Variants in MAP3K21 observed in about 807,000 individuals in gnomAD.
The protein encoded by MAP3K21 is mitogen-activated protein kinase kinase kinase MLK4.
A neutral mutation model predicts 86.1 loss-of-function variants in MAP3K21; 63 were observed. The observed-to-expected ratio is 0.73, with a 90% CI of 0.60 to 0.90. The LOEUF (loss-of-function observed/expected upper bound fraction) is 0.90, where lower values mean the gene tolerates loss of function less well. Ranked by LOEUF, MAP3K21 falls within the 40% of genes least tolerant of loss-of-function variation. The probability of loss-of-function intolerance (pLI) is 0.00; values close to 1 mark genes in which losing one functional copy is unlikely to be tolerated. For synonymous variants in MAP3K21, 558 were observed against 564.8 expected, an observed-to-expected ratio of 0.99 and a Z score of 0.17; for missense variants, 1,220 against 1,367.7, an observed-to-expected ratio of 0.89 and a Z score of 1.70.
intron 2 of MAP3K21, among the ~76,000 whole-genome samples, chr1:233,350,134 C>T (rs1002937334): frequency 3.3e-5 from 5 of 152,072 alleles, no homozygotes; most frequent in Admixed American, 2.0e-4. Context: ...CACATCCTCC[C>T]GTGTACTTTA....
At chr1:233,372,012 C>G (rs765040681) in intron 5 of MAP3K21, 26 bp from the exon 6 acceptor site, 1 of 1,602,524 alleles carries the variant, frequency 6.2e-7, no homozygotes, top group Non-Finnish European at 8.5e-7. Context: ...CATGAAATAC[C>G]AGTTCTCCCT....
chr1:233,381,612 A>G (rs1201551698), intron 9 of MAP3K21, among the ~76,000 whole-genome samples: 1 of 152,060 alleles, frequency 6.6e-6, no homozygotes. Flanking sequence ...TTGCCTTTAG[A>G]TAAATTGGTT....
At chr1:233,362,336 C>G (rs1451056882) in intron 5 of MAP3K21, 43 bp downstream of exon 5, 19 of 1,600,738 alleles carry the variant, frequency 1.2e-5, no homozygotes, top group Non-Finnish European at 1.6e-5. Flanking sequence ...TTTGTGTGTC[C>G]TCCTTTTAAT....
Position 233,384,124 on chromosome 1 carries a change from T to C in MAP3K21, c.*1413T>C, listed in dbSNP as rs954247799. On this transcript the variant is annotated 3_prime_UTR_variant, in exon 10 of 10. Coordinates refer to ENST00000366624, the MANE Select transcript of MAP3K21 (RefSeq NM_032435.3). The stretch of plus-strand genomic sequence containing the variant: ...ACAATGAAAAACTAAATTAAAAACA[T>C]TGCTTGATATTTCATTTAAAATTGC... The C allele has an allele frequency of 2.0e-5, 3 of 152,218 alleles. No individual in the cohort carries two copies. Among genetic ancestry groups the C allele is most frequent in the South Asian group, 2.1e-4 (1 of 4,834 alleles). 9.4% of individuals were successfully genotyped at this position (152,218 alleles called of 1,614,324 possible).
rs147416566 is a variant in MAP3K21, at chr1:233,372,057, C to T, written c.1572C>T (p.Thr524=). 5 of 1,612,962 alleles carry T rather than the reference C, an allele frequency of 3.1e-6. No homozygotes were observed. The highest frequency in any genetic ancestry group is 1.1e-5 in the South Asian group (1 of 90,766). ...SLPSDFQHKI[T]VQASPNLDKR... ...CAACAGATTTCCAGCACAAGATAAC[C>T]GTGCAGGCCTCTCCCAACTTGGACA... The change falls in exon 6 of 10, where the codon ACC becomes ACT. Residue 524 remains threonine, a synonymous_variant. Coordinates refer to ENST00000366624, the MANE Select transcript of MAP3K21 (RefSeq NM_032435.3).
chr1:233,342,398 A>G (rs1663052557), intron 1 of MAP3K21, among the ~76,000 whole-genome samples: 1 of 152,264 alleles, frequency 6.6e-6, no homozygotes, highest in Non-Finnish European at 1.5e-5. Flanking sequence ...AACTCTGCAT[A>G]GCAGAGGGTT....
chr1:233,363,058 C>A (rs1432070467), intron 5 of MAP3K21, among the ~76,000 whole-genome samples: 1 of 151,992 alleles, frequency 6.6e-6, no homozygotes, highest in African/African-American at 2.4e-5. Context: ...AAAACAAATA[C>A]CTCCATGGTA....
intron 3 of MAP3K21, 150 bp from the exon 4 acceptor site, chr1:233,354,686 C>A (rs1388947293): frequency 3.0e-6 from 2 of 661,394 alleles, no homozygotes; most frequent in Non-Finnish European, 5.3e-6. Flanking sequence ...CCAATGGATT[C>A]TTAAAATCTT....
intron 3 of MAP3K21, 46 bp from the exon 4 acceptor site, chr1:233,354,790 A>AATGTCTTGGGATAATCTG: frequency 6.8e-7 from 1 of 1,472,032 alleles, no homozygotes; most frequent in Non-Finnish European, 9.4e-7. Flanking sequence ...TAGCAACTCT[A>AATGTCTTGGGATAATCTG]AACTGCGTTG....
At chr1:233,335,495 C>G (rs1213595270) in intron 1 of MAP3K21, among the ~76,000 whole-genome samples, 1 of 151,820 alleles carries the variant, frequency 6.6e-6, no homozygotes, top group Non-Finnish European at 1.5e-5. Flanking sequence ...TCACTACAAC[C>G]TTTTGAGGTG....
intron 5 of MAP3K21, among the ~76,000 whole-genome samples, chr1:233,367,488 T>C (rs1663600173): frequency 6.6e-6 from 1 of 152,218 alleles, no homozygotes; most frequent in Non-Finnish European, 1.5e-5. Flanking sequence ...ATTTTAACAA[T>C]TCAGCTTTAG....
chr1:233,337,723 T>TATC (rs1662944623), intron 1 of MAP3K21, among the ~76,000 whole-genome samples: 1 of 152,204 alleles, frequency 6.6e-6, no homozygotes, highest in Non-Finnish European at 1.5e-5. Flanking sequence ...GGCCTGCTGG[T>TATC]GACTTGGGTT....
chr1:233,344,275 C>A (rs188197006), intron 1 of MAP3K21, among the ~76,000 whole-genome samples: 7 of 152,290 alleles, frequency 4.6e-5, no homozygotes, highest in Admixed American at 4.6e-4. Context: ...ATTGCCAAGA[C>A]AATCCTAAGC....
chr1:233,372,822 G>A (rs1663712602), intron 6 of MAP3K21: 1 of 152,138 alleles, frequency 6.6e-6, no homozygotes, highest in African/African-American at 2.4e-5. Flanking sequence ...CTAAGCGAAA[G>A]AAGAATGTGA....
intron 1 of MAP3K21, among the ~76,000 whole-genome samples, chr1:233,340,130 G>A (rs1177609216): frequency 3.9e-5 from 6 of 152,200 alleles, no homozygotes; most frequent in African/African-American, 7.2e-5. Flanking sequence ...AAGTGTATTA[G>A]AATGCAGAGA....
chr1:233,383,960 G>C lies in MAP3K21; in HGVS notation c.*1249G>C, dbSNP rs1192568422. 3.9e-5 allele frequency: 6 copies of C among 152,198 alleles called. No individual in the cohort carries two copies. In the East Asian group the frequency reaches 1.2e-3, roughly 29 times the overall value. 9.4% of individuals were successfully genotyped at this position (152,198 alleles called of 1,614,324 possible). The stretch of plus-strand genomic sequence containing the variant: ...GTCATACATATATGATACAAATCCA[G>C]AGTTATTGGTGCAGAAATGGCTACC... On this transcript the variant is annotated 3_prime_UTR_variant, in exon 10 of 10. Coordinates refer to ENST00000366624, the MANE Select transcript of MAP3K21 (RefSeq NM_032435.3).
At chr1:233,338,210 C>G (rs1049266939) in intron 1 of MAP3K21, among the ~76,000 whole-genome samples, 1 of 152,196 alleles carries the variant, frequency 6.6e-6, no homozygotes, top group Non-Finnish European at 1.5e-5. Context: ...AGTATATGAG[C>G]AATGTGAAGT....
At position 233,360,795 on chromosome 1, in the gene MAP3K21, T is replaced by C. The variant is rs60412552; in HGVS notation, c.1312-1258T>C. Among the ~76,000 whole-genome samples the C allele has an allele frequency of 5.9e-3, 894 of 152,340 alleles. 10 individuals carry two copies. Among genetic ancestry groups the C allele is most frequent in the African/African-American group, 0.021 (865 of 41,570 alleles). On this transcript the variant is annotated intron_variant, in intron 4 of 9. Coordinates refer to ENST00000366624, the MANE Select transcript of MAP3K21 (RefSeq NM_032435.3). The stretch of plus-strand genomic sequence containing the variant: ...TGGGTCTAGTTTCTTCCAGGAGCCC[T>C]AATCTTACTGTGTTTTTTCATGGAT...
Position 233,346,641 on chromosome 1 carries a change from A to G in MAP3K21, c.986+19A>G. On this transcript the variant is annotated intron_variant, in intron 2 of 9. Coordinates refer to ENST00000366624, the MANE Select transcript of MAP3K21 (RefSeq NM_032435.3). ...TCTGGAGGTGAGCCTTTCCTTTTGC[A>G]AACATCGGCAGAAACTGCTTGCTAT... 6.2e-7 allele frequency: 1 copy of G among 1,608,248 alleles called. No individual in the cohort carries two copies. The highest frequency in any genetic ancestry group is 8.5e-7 in the Non-Finnish European group (1 of 1,176,344).
Sources: gnomAD v4.1 joint callset for allele counts (sites outside exome capture counted in the v4.1 genomes callset) on GRCh38, gnomAD v4.1.1 for gene constraint, MANE v1.5 for transcripts, NCBI Gene and HGNC (gene_info 2026-07-23, HGNC 2026-07-21) for gene names.